Variants in CIMAP1D observed in about 807,000 individuals in gnomAD.
CIMAP1D encodes protein CIMAP1D.
the CIMAP1D span, among the ~76,000 whole-genome samples, chr19:485,096 G>A: frequency 2.0e-5 from 3 of 152,034 alleles, no homozygotes; most frequent in Non-Finnish European, 4.4e-5. Context: ...AGTGAGAGGA[G>A]GGGAGGGTCC....
the CIMAP1D span, among the ~76,000 whole-genome samples, chr19:478,363 C>A: frequency 2.6e-5 from 4 of 151,720 alleles, no homozygotes; most frequent in African/African-American, 9.7e-5. Context: ...GGTTCCAGCC[C>A]GGACTCGGCC....
the CIMAP1D span, among the ~76,000 whole-genome samples, chr19:478,920 G>A: frequency 2.0e-5 from 3 of 152,216 alleles, no homozygotes; most frequent in Admixed American, 1.3e-4. Context: ...CTGGGAAAAC[G>A]GGAGAGGACA....
chr19:478,016 C>T, the CIMAP1D span, among the ~76,000 whole-genome samples: 1 of 152,206 alleles, frequency 6.6e-6, no homozygotes, highest in African/African-American at 2.4e-5. Context: ...CCTCGCTGGC[C>T]CCTTCCTCGG....
the CIMAP1D span, among the ~76,000 whole-genome samples, chr19:480,995 TGGAAAACGATGAC>T: frequency 8.5e-6 from 1 of 116,960 alleles, no homozygotes; most frequent in African/African-American, 3.8e-5. Context: ...AGAACGATGA[TGGAAAACGATGAC>T]GGAGAATGAT....
chr19:470,078 C>G, the CIMAP1D span, among the ~76,000 whole-genome samples: 776 of 152,322 alleles, frequency 5.1e-3, 1 homozygote, highest in African/African-American at 0.017. Context: ...GAAGCCTACC[C>G]TGGGCCTTCA....
chr19:490,555 C>T, the CIMAP1D span, among the ~76,000 whole-genome samples: 5,945 of 152,324 alleles, frequency 0.039, 256 homozygotes, highest in East Asian at 0.22. Flanking sequence ...AGGAAATATT[C>T]AACCTGCACT....
chr19:477,846 G>A, the CIMAP1D span, among the ~76,000 whole-genome samples: 3 of 152,074 alleles, frequency 2.0e-5, no homozygotes, highest in Non-Finnish European at 2.9e-5. Context: ...GCACGGCCTC[G>A]TCTCCACCTC....
the CIMAP1D span, among the ~76,000 whole-genome samples, chr19:466,015 C>T: frequency 0.053 from 2,707 of 50,674 alleles, 101 homozygotes; most frequent in African/African-American, 0.19. Context: ...GCTGGAAGGA[C>T]GGGTGGATAG....
the CIMAP1D span, among the ~76,000 whole-genome samples, chr19:481,071 T>TG: frequency 4.1e-5 from 5 of 121,526 alleles, no homozygotes; most frequent in South Asian, 2.7e-4. Flanking sequence ...GAAAGGATGA[T>TG]GGGAAGGATG....
chr19:471,673 C>G, the CIMAP1D span, among the ~76,000 whole-genome samples: 1 of 151,834 alleles, frequency 6.6e-6, no homozygotes, highest in South Asian at 2.1e-4. Flanking sequence ...CTAATCCTTA[C>G]AACAGGCCTG....
the CIMAP1D span, among the ~76,000 whole-genome samples, chr19:472,091 C>T: frequency 6.6e-6 from 1 of 152,192 alleles, no homozygotes; most frequent in Non-Finnish European, 1.5e-5. Context: ...AGCACTTAAG[C>T]AATTTGCCTG....
At chr19:474,702 G>C in the CIMAP1D span, 1 of 1,565,614 alleles carries the variant, frequency 6.4e-7, no homozygotes, top group Admixed American at 1.8e-5. Context: ...CGGCCAAGGG[G>C]GGCTGTGGCC....
At chr19:485,676 G>A in the CIMAP1D span, among the ~76,000 whole-genome samples, 1,951 of 152,326 alleles carry the variant, frequency 0.013, 42 homozygotes, top group East Asian at 0.092. Context: ...CCAAGTTCCC[G>A]ACATTCTTTC....
the CIMAP1D span, among the ~76,000 whole-genome samples, chr19:477,511 G>T: frequency 6.8e-6 from 1 of 146,194 alleles, no homozygotes; most frequent in Admixed American, 6.6e-5. Context: ...TTGAACCCTG[G>T]AGGTGGAGGT....
At chr19:467,554 C>T in the CIMAP1D span, 4 of 849,876 alleles carry the variant, frequency 4.7e-6, no homozygotes, top group South Asian at 5.4e-5. Context: ...ATTCTAAGAA[C>T]TCCAAGGATA....
the CIMAP1D span, among the ~76,000 whole-genome samples, chr19:475,631 G>T: frequency 6.6e-6 from 1 of 152,182 alleles, no homozygotes; most frequent in Non-Finnish European, 1.5e-5. Context: ...ATGCCTCCGA[G>T]ATTTAAACCA....
At chr19:475,508 C>T in the CIMAP1D span, among the ~76,000 whole-genome samples, 6 of 152,214 alleles carry the variant, frequency 3.9e-5, no homozygotes, top group South Asian at 1.2e-3. Flanking sequence ...GTGAGCCCCA[C>T]GGAGAAGGTA....
chr19:486,525 C>T, the CIMAP1D span, among the ~76,000 whole-genome samples: 4 of 152,034 alleles, frequency 2.6e-5, no homozygotes, highest in African/African-American at 9.7e-5. Context: ...ACTGCAACCT[C>T]CGCCTGGTGG....
At chr19:488,452 G>A in the CIMAP1D span, among the ~76,000 whole-genome samples, 29 of 152,344 alleles carry the variant, frequency 1.9e-4, no homozygotes, top group Non-Finnish European at 4.4e-5. Flanking sequence ...AACCCGGGAG[G>A]CGGAGCTTGC....
Sources: gnomAD v4.1 joint callset for allele counts (sites outside exome capture counted in the v4.1 genomes callset) on GRCh38, gnomAD v4.1.1 for gene constraint, MANE v1.5 for transcripts, NCBI Gene and HGNC (gene_info 2026-07-23, HGNC 2026-07-21) for gene names.